Variants in CSTF3 observed in about 807,000 individuals in gnomAD.
CSTF3 encodes the protein cleavage stimulation factor subunit 3.
CSTF3 carries 29 observed loss-of-function variants against 105.8 expected under a neutral mutation model. That is an observed-to-expected ratio of 0.27 (90% confidence interval 0.20 to 0.37). The LOEUF (loss-of-function observed/expected upper bound fraction) is 0.37, where lower values mean the gene tolerates loss of function less well. Ranked by LOEUF, CSTF3 falls within the 10% of genes least tolerant of loss-of-function variation. The pLI is 1.00. For missense variants in CSTF3, 357 were observed against 879.3 expected (o/e 0.41, Z 7.51); for synonymous variants, 252 against 281.9 (o/e 0.89, Z 1.06).
rs567441115 is a variant in CSTF3 at position 33,154,157 on chromosome 11, T to G, written c.27+7142A>C. Among the ~76,000 whole-genome samples, 9 of 152,308 alleles carry G rather than the reference T, an allele frequency of 5.9e-5. No individual in the cohort carries two copies. The South Asian group carries it at 1.9e-3, about 32-fold the overall frequency. ...ACATAAAAACCACTGTGGTACCTGT[T>G]TCAAACGAAGATTCTCAGCCCCACT... is the stretch of plus-strand genomic sequence containing the variant. On this transcript the variant is annotated intron_variant, in intron 1 of 20. Transcript: ENST00000323959.
chr11:33,102,175 A>T lies in CSTF3; in HGVS notation c.826+2T>A. Reference sequence around the variant, plus strand: ...AAGTCCCATGAGGGTTAATCATGTTACCTCTTTTTGTTATAAGGGTCTGAT... The same window carrying T: ...AAGTCCCATGAGGGTTAATCATGTTTCCTCTTTTTGTTATAAGGGTCTGAT... On this transcript the variant is annotated splice_donor_variant, in intron 10 of 20. Transcript: ENST00000323959. LOFTEE classifies it high-confidence loss of function. 6.2e-7 allele frequency: 1 copy of T among 1,612,844 alleles called. No individual in the cohort carries two copies.
rs1490641645 is a variant in CSTF3 at position 33,084,832 on chromosome 11, C to A, written c.*255G>T. The A allele has an allele frequency of 2.0e-6, 1 of 492,692 alleles. No individual in the cohort carries two copies. The highest frequency in any genetic ancestry group is 3.6e-5 in the East Asian group (1 of 27,856). The allele number at this position is 492,692 out of a possible 1,614,324, so 30.5% of individuals were successfully genotyped here. ...ATACAAGACACCCTTGAAGAGGGAA[C>A]AAAATGTGGTTCTGCCACTTTGTAC... On this transcript the variant is annotated 3_prime_UTR_variant, in exon 21 of 21. Transcript: ENST00000323959.
intron 3 of CSTF3, among the ~76,000 whole-genome samples, chr11:33,122,547 T>C (rs903582233): frequency 6.6e-6 from 1 of 152,016 alleles, no homozygotes; most frequent in Non-Finnish European, 1.5e-5. Flanking sequence ...TTTGCAAACA[T>C]TAAGACTTAA....
At chr11:33,155,109 C>G (rs769482453) in intron 1 of CSTF3, among the ~76,000 whole-genome samples, 5 of 151,804 alleles carry the variant, frequency 3.3e-5, no homozygotes, top group Non-Finnish European at 7.4e-5. Context: ...GTAATCCCAG[C>G]GCTTTGGAAG....
At chr11:33,137,720 C>T (rs1855670066) in intron 3 of CSTF3, among the ~76,000 whole-genome samples, 1 of 151,580 alleles carries the variant, frequency 6.6e-6, no homozygotes. Flanking sequence ...CATGGACCAA[C>T]ATTTATTACA....
intron 8 of CSTF3, among the ~76,000 whole-genome samples, chr11:33,103,656 G>A (rs1431882537): frequency 6.6e-6 from 1 of 152,112 alleles, no homozygotes; most frequent in African/African-American, 2.4e-5. Flanking sequence ...TGTAATCCCA[G>A]CTACTTGGGA....
At chr11:33,113,400 C>T (rs865992350) in intron 3 of CSTF3, among the ~76,000 whole-genome samples, 7 of 151,956 alleles carry the variant, frequency 4.6e-5, no homozygotes, top group South Asian at 2.1e-4. Flanking sequence ...CCTGTAATCC[C>T]GGCTGCTTGG....
chr11:33,085,192 G>T lies in CSTF3; in HGVS notation c.2049C>A (p.Ala683=). The change falls in exon 21 of 21, where the codon GCC becomes GCA. Residue 683 remains alanine (A), a synonymous_variant. Transcript: ENST00000323959. ...PVESNAVLTK[A]VKRPNEDSDE... ...CTGAATCCTCGTTGGGCCTTTTGAC[G>T]GCCTTGGTGAGTACTGCATTACTTT... 1 of 1,614,022 alleles carries T rather than the reference G, an allele frequency of 6.2e-7. No homozygotes were observed. The highest frequency in any genetic ancestry group is 1.1e-5 in the South Asian group (1 of 91,060).
intron 1 of CSTF3, among the ~76,000 whole-genome samples, chr11:33,148,694 CAAA>C: frequency 7.3e-6 from 1 of 137,630 alleles, no homozygotes; most frequent in South Asian, 2.3e-4. Context: ...GACTCCATCT[CAAA>C]AAAAAAAAAA....
Position 33,098,769 on chromosome 11 carries a change from G to C in CSTF3, c.1054-5C>G. On this transcript the variant is annotated splice_polypyrimidine_tract_variant and splice_region_variant and intron_variant, in intron 12 of 20. Coordinates refer to ENST00000323959, the MANE Select transcript of CSTF3 (RefSeq NM_001326.3). ...CTTTTCATACTTCATGCGACTCTAA[G>C]GTGGTACAGAAGAAGTGAGTATCAA... is the stretch of plus-strand genomic sequence containing the variant. The C allele has an allele frequency of 6.6e-7, 1 of 1,518,190 alleles. No homozygotes were observed. The highest frequency in any genetic ancestry group is 8.8e-7 in the Non-Finnish European group (1 of 1,140,560). The allele number at this position is 1,518,190 out of a possible 1,614,324, so 94.0% of individuals were successfully genotyped here. A position where few individuals can be genotyped will look rare whatever the true frequency, so the allele number is the denominator to read the frequency against.
chr11:33,108,819 C>T (rs1343735932), intron 3 of CSTF3, among the ~76,000 whole-genome samples: 3 of 152,144 alleles, frequency 2.0e-5, no homozygotes, highest in African/African-American at 7.2e-5. Flanking sequence ...CAAATTTGGA[C>T]TACATATAAA....
chr11:33,139,575 A>G (rs1855688490), intron 3 of CSTF3, among the ~76,000 whole-genome samples: 1 of 151,964 alleles, frequency 6.6e-6, no homozygotes, highest in African/African-American at 2.4e-5. Flanking sequence ...AAAATAAAAA[A>G]TAAACAGCAA....
rs1855091901 is a variant in CSTF3, at chr11:33,085,214, C to G, written c.2027G>C (p.Ser676Thr). 6.2e-7 allele frequency: 1 copy of G among 1,610,298 alleles called. No individual in the cohort carries two copies. The highest frequency in any genetic ancestry group is 8.5e-7 in the Non-Finnish European group (1 of 1,178,288). ...LAVEGNGPVE[S>T]NAVLTKAVKR... is the part of the protein sequence containing the mutation. ...GACGGCCTTGGTGAGTACTGCATTA[C>G]TTTCCACGGGGCCGTTGCCTTCTAC... Residue 676 changes from serine (S) to threonine (T), a missense_variant, in exon 21 of 21, where the codon AGT (serine) becomes ACT (threonine). Around this residue, in one of 4 missense-constraint regions of CSTF3, gnomAD observed 73 missense variants for 105.8 expected, o/e 0.69. Coordinates refer to ENST00000323959, the MANE Select transcript of CSTF3 (RefSeq NM_001326.3).
At chr11:33,144,514 T>A (rs1855754778) in intron 1 of CSTF3, among the ~76,000 whole-genome samples, 1 of 152,176 alleles carries the variant, frequency 6.6e-6, no homozygotes. Flanking sequence ...GAATGGTGAA[T>A]TTTTCAATAA....
At chr11:33,095,066 T>A (rs1232140863) in intron 15 of CSTF3, among the ~76,000 whole-genome samples, 3 of 152,096 alleles carry the variant, frequency 2.0e-5, no homozygotes, top group African/African-American at 7.2e-5. Flanking sequence ...GCCCAGCTAA[T>A]TTTTTATATT....
At chr11:33,108,455 T>C (rs1328591668) in intron 3 of CSTF3, 37 bp from the exon 4 acceptor site, 1 of 1,395,936 alleles carries the variant, frequency 7.2e-7, no homozygotes. Flanking sequence ...TTAATACTAT[T>C]TTTTTAGAGC....
chr11:33,141,736 C>A lies in CSTF3; in HGVS notation c.156G>T (p.Lys52Asn), dbSNP rs773179561. The change falls in exon 3 of 21, where the codon AAG becomes AAT. Residue 52 changes from lysine to asparagine, a missense_variant. This residue lies in a region of CSTF3 where 78 missense variants were observed against 180.4 expected (regional missense o/e 0.43). Transcript: ENST00000323959. ...AQNQPIDKARKTYERLVAQFP... is the reference protein window; with the variant it reads ...AQNQPIDKARNTYERLVAQFP... ...ACTGGGCAACAAGGCGTTCATAAGT[C>A]TTCCGTGCTTTGTCTATAGGTTGAT... The A allele has an allele frequency of 3.1e-6, 5 of 1,605,806 alleles. No individual in the cohort carries two copies. The highest frequency in any genetic ancestry group is 4.2e-6 in the Non-Finnish European group (5 of 1,177,922).
intron 5 of CSTF3, 118 bp downstream of exon 5, chr11:33,107,785 T>C (rs998855017): frequency 3.4e-6 from 2 of 589,158 alleles, no homozygotes; most frequent in Non-Finnish European, 5.8e-6. Flanking sequence ...TAGGAAATCC[T>C]GACTTTTCAA....
chr11:33,128,703 C>T (rs979209211), intron 3 of CSTF3, among the ~76,000 whole-genome samples: 1 of 152,050 alleles, frequency 6.6e-6, no homozygotes, highest in African/African-American at 2.4e-5. Context: ...CACAAGTCAT[C>T]TGCTTTAATA....
Sources: allele counts gnomAD v4.1 joint callset (sites outside exome capture counted in the v4.1 genomes callset), GRCh38; gene constraint gnomAD v4.1.1; regional missense constraint gnomAD v4.1.1; transcripts MANE v1.5; gene names NCBI Gene and HGNC (gene_info 2026-07-23, HGNC 2026-07-21).